LTBP1: variants seen among roughly 807,000 people sequenced by gnomAD.
LTBP1 encodes the protein latent transforming growth factor beta binding protein 1, also known as latent-transforming growth factor beta-binding protein 1.
Under a neutral mutation model 207.6 loss-of-function variants are expected in LTBP1, and 129 were observed. That is an observed-to-expected ratio of 0.62 (90% CI 0.54 to 0.72). LTBP1 has a LOEUF of 0.72. Among genes scored for constraint, LTBP1 ranks in the 30% least tolerant of loss-of-function variants. The pLI, the probability that LTBP1 is intolerant of heterozygous loss-of-function variation, is 0.00. For missense variants in LTBP1, 2,281 were observed against 2,217.2 expected (o/e 1.03, Z -0.58); for synonymous variants, 963 against 833.7 (o/e 1.16, Z -2.67).
At chr2:33,093,465 GT>G (rs535672280) in intron 3 of LTBP1, among the ~76,000 whole-genome samples, 2 of 150,960 alleles carry the variant, frequency 1.3e-5, no homozygotes, top group African/African-American at 2.4e-5. Flanking sequence ...TCTCTTGGCA[GT>G]TTTTTTTTCT....
Position 33,308,325 on chromosome 2 carries a change from C to T in LTBP1, c.3482-1109C>T, listed in dbSNP as rs17012811. Among the ~76,000 whole-genome samples, 914 of 152,298 alleles carry T rather than the reference C, an allele frequency of 6.0e-3. 7 individuals carry two copies. Among genetic ancestry groups the T allele is most frequent in the African/African-American group, 0.021 (886 of 41,570 alleles). On this transcript the variant is annotated intron_variant, in intron 22 of 33. Coordinates refer to ENST00000404816, the MANE Select transcript of LTBP1 (RefSeq NM_206943.4). Reference sequence around the variant, plus strand: ...TGGTTATGTATACCACTTTTAGTTGCGCATTTGCTATGAATTTTTTTAAAC... The same window carrying T: ...TGGTTATGTATACCACTTTTAGTTGTGCATTTGCTATGAATTTTTTTAAAC...
intron 2 of LTBP1, among the ~76,000 whole-genome samples, chr2:32,998,550 T>C (rs1685646519): frequency 6.9e-6 from 1 of 144,720 alleles, no homozygotes; most frequent in Non-Finnish European, 1.5e-5. Flanking sequence ...AAAAAAAGGT[T>C]GTTATGAACT....
chr2:33,165,597 T>A (rs1009416554), intron 5 of LTBP1, among the ~76,000 whole-genome samples: 6 of 152,196 alleles, frequency 3.9e-5, no homozygotes, highest in African/African-American at 1.4e-4. Context: ...GGAACTGAGA[T>A]CTCTTGTCTC....
intron 13 of LTBP1, 89 bp from the exon 14 acceptor site, chr2:33,262,633 T>A: frequency 3.8e-6 from 2 of 525,506 alleles, no homozygotes; most frequent in South Asian, 3.0e-5. Context: ...ATTAATTACA[T>A]AAAAATAGTA....
intron 31 of LTBP1, among the ~76,000 whole-genome samples, chr2:33,384,178 T>C (rs1247304856): frequency 1.3e-5 from 2 of 152,174 alleles, no homozygotes; most frequent in African/African-American, 4.8e-5. Context: ...ACCCACAGGC[T>C]CCAGGGGATA....
chr2:33,120,592 A>G (rs561745871), intron 4 of LTBP1, among the ~76,000 whole-genome samples: 47 of 152,278 alleles, frequency 3.1e-4, no homozygotes, highest in South Asian at 2.1e-4. Context: ...TCTGTTATTG[A>G]TGAGCATTTA....
At chr2:33,330,050 T>C (rs1033837454) in intron 24 of LTBP1, among the ~76,000 whole-genome samples, 1 of 152,056 alleles carries the variant, frequency 6.6e-6, no homozygotes, top group African/African-American at 2.4e-5. Flanking sequence ...TCATTTGTCT[T>C]AGTGTTTTGT....
At chr2:33,326,120 T>C (rs559951230) in intron 24 of LTBP1, among the ~76,000 whole-genome samples, 4 of 152,316 alleles carry the variant, frequency 2.6e-5, no homozygotes, top group African/African-American at 9.6e-5. Flanking sequence ...AAATATATAC[T>C]ACTTTTCAGT....
At chr2:33,347,532 C>T in intron 26 of LTBP1, 22 bp downstream of exon 26, 1 of 1,613,408 alleles carries the variant, frequency 6.2e-7, no homozygotes, top group Non-Finnish European at 8.5e-7. Context: ...TGACACTGTG[C>T]AAGGGAATGA....
chr2:32,956,753 A>G (rs1678136286), intron 2 of LTBP1, among the ~76,000 whole-genome samples: 1 of 152,340 alleles, frequency 6.6e-6, no homozygotes, highest in Admixed American at 6.5e-5. Flanking sequence ...GCCCAAATCC[A>G]TCAGAGGAAT....
intron 2 of LTBP1, among the ~76,000 whole-genome samples, chr2:32,966,462 T>C (rs543271983): frequency 2.9e-4 from 44 of 152,202 alleles, no homozygotes; most frequent in Admixed American, 7.2e-4. Context: ...GCCTTATTCA[T>C]GATCTTAGCA....
intron 31 of LTBP1, among the ~76,000 whole-genome samples, chr2:33,379,454 C>A (rs1012426036): frequency 3.3e-5 from 5 of 152,074 alleles, no homozygotes; most frequent in African/African-American, 1.2e-4. Flanking sequence ...TGTGATCCAC[C>A]CACCTCGGCC....
chr2:33,098,568 G>T (rs1278078995), intron 3 of LTBP1, among the ~76,000 whole-genome samples: 1 of 151,762 alleles, frequency 6.6e-6, no homozygotes, highest in African/African-American at 2.4e-5. Context: ...GAGCAGCTTG[G>T]ACTACAGGCG....
At chr2:33,310,702 C>T (rs1484547533) in intron 23 of LTBP1, among the ~76,000 whole-genome samples, 1 of 152,132 alleles carries the variant, frequency 6.6e-6, no homozygotes, top group East Asian at 1.9e-4. Context: ...AGTGATTTCT[C>T]TCACAAGGTA....
intron 24 of LTBP1, among the ~76,000 whole-genome samples, chr2:33,333,432 A>G (rs2094519816): frequency 6.6e-6 from 1 of 152,200 alleles, no homozygotes; most frequent in Admixed American, 6.5e-5. Flanking sequence ...AGCTCAGGCC[A>G]CACATATTGG....
chr2:33,224,485 C>G (rs774245610), intron 9 of LTBP1, among the ~76,000 whole-genome samples: 1 of 152,196 alleles, frequency 6.6e-6, no homozygotes, highest in African/African-American at 2.4e-5. Flanking sequence ...AGAAGGCTTA[C>G]TCTCTCTTAG....
At chr2:32,969,824 T>G (rs1449116450) in intron 2 of LTBP1, among the ~76,000 whole-genome samples, 1 of 152,210 alleles carries the variant, frequency 6.6e-6, no homozygotes, top group Non-Finnish European at 1.5e-5. Context: ...TAGCTCTGTT[T>G]TAAGTTCTTT....
chr2:33,081,324 G>A (rs1027781117), intron 3 of LTBP1, among the ~76,000 whole-genome samples: 6 of 152,056 alleles, frequency 3.9e-5, no homozygotes, highest in Admixed American at 2.0e-4. Context: ...ATATTTTGGG[G>A]TAGCCTGTCC....
chr2:33,010,067 T>G, intron 2 of LTBP1, among the ~76,000 whole-genome samples: 1 of 151,246 alleles, frequency 6.6e-6, no homozygotes, highest in Non-Finnish European at 1.5e-5. Context: ...GGCAGTGAAG[T>G]GGGAGAAGGC....
Sources: allele counts gnomAD v4.1 joint callset (sites outside exome capture counted in the v4.1 genomes callset), GRCh38; gene constraint gnomAD v4.1.1; transcripts MANE v1.5; gene names NCBI Gene and HGNC (gene_info 2026-07-23, HGNC 2026-07-21).